Variants in LMNB1 observed in about 807,000 individuals in gnomAD.
LMNB1 encodes the protein lamin B1, also known as lamin-B1.
Under a neutral mutation model 67.1 loss-of-function variants are expected in LMNB1, and 23 were observed. The ratio of observed to expected loss-of-function variants is 0.34; its 90% confidence interval spans 0.25 to 0.49. The LOEUF (loss-of-function observed/expected upper bound fraction) is 0.49, where lower values mean the gene tolerates loss of function less well. Among genes scored for constraint, LMNB1 ranks in the 20% least tolerant of loss-of-function variants. The probability of loss-of-function intolerance (pLI) is 0.99; values close to 1 mark genes in which losing one functional copy is unlikely to be tolerated. For missense variants in LMNB1, 634 were observed against 746.5 expected (o/e 0.85, Z 1.76); for synonymous variants, 281 against 282.9 (o/e 0.99, Z 0.07).
chr5:126,825,581 C>T (rs1361247645), intron 8 of LMNB1, among the ~76,000 whole-genome samples: 5 of 152,134 alleles, frequency 3.3e-5, no homozygotes, highest in African/African-American at 1.2e-4. Context: ...AGTAATAGAA[C>T]GCTGAGGCTA....
intron 4 of LMNB1, among the ~76,000 whole-genome samples, chr5:126,810,762 G>A (rs1751562815): frequency 6.6e-6 from 1 of 152,210 alleles, no homozygotes; most frequent in Non-Finnish European, 1.5e-5. Flanking sequence ...ATTGTGCATA[G>A]ATTGTGACTA....
intron 1 of LMNB1, among the ~76,000 whole-genome samples, chr5:126,796,786 C>CTTTTTTTTTTTT (rs34534973): frequency 1.5e-4 from 18 of 118,730 alleles, no homozygotes; most frequent in African/African-American, 3.1e-4. Context: ...TTTTTTCTTT[C>CTTTTTTTTTTTT]TTTTTTTTTT....
chr5:126,809,603 C>G (rs1211380378), intron 3 of LMNB1, among the ~76,000 whole-genome samples: 1 of 152,158 alleles, frequency 6.6e-6, no homozygotes, highest in African/African-American at 2.4e-5. Flanking sequence ...AGGAGAATTG[C>G]TTGAACCCGG....
In LMNB1 at chr5:126,829,838, C is replaced by T. The variant is rs187167647; in HGVS notation, c.1612-2856C>T. Among the ~76,000 whole-genome samples, 5 of 152,110 alleles carry T rather than the reference C, an allele frequency of 3.3e-5. No individual in the cohort carries two copies. The East Asian group carries it at 7.8e-4, about 24-fold the overall frequency. Reference sequence around the variant, plus strand: ...ATTGCACTGGGCTCCTTGTGACACACGTGTGCTCCATGGGGGGTGTGTACC... The same window carrying T: ...ATTGCACTGGGCTCCTTGTGACACATGTGTGCTCCATGGGGGGTGTGTACC... On this transcript the variant is annotated intron_variant, in intron 9 of 10. Transcript: ENST00000261366.
At chr5:126,821,951 G>A (rs1428500719) in intron 7 of LMNB1, among the ~76,000 whole-genome samples, 1 of 151,674 alleles carries the variant, frequency 6.6e-6, no homozygotes, top group Non-Finnish European at 1.5e-5. Context: ...GAGTGAAGGA[G>A]CACTAATGAG....
At chr5:126,813,044 TG>T (rs1561748240) in intron 5 of LMNB1, among the ~76,000 whole-genome samples, 1 of 152,214 alleles carries the variant, frequency 6.6e-6, no homozygotes, top group Non-Finnish European at 1.5e-5. Flanking sequence ...TACTCTTGAT[TG>T]GGCTTTTCTT....
At chr5:126,780,608 T>C (rs1458548324) in intron 1 of LMNB1, among the ~76,000 whole-genome samples, 1 of 152,120 alleles carries the variant, frequency 6.6e-6, no homozygotes, top group African/African-American at 2.4e-5. Context: ...GAAGGGTTAG[T>C]GTGATTAAGG....
intron 6 of LMNB1, among the ~76,000 whole-genome samples, chr5:126,819,882 T>G (rs1243242388): frequency 6.6e-6 from 1 of 152,184 alleles, no homozygotes. Context: ...CATTGCCTCA[T>G]GCCTGTAATC....
At chr5:126,794,194 G>T (rs1389807956) in intron 1 of LMNB1, among the ~76,000 whole-genome samples, 1 of 152,040 alleles carries the variant, frequency 6.6e-6, no homozygotes, top group Non-Finnish European at 1.5e-5. Context: ...TATAGTACTG[G>T]GATTACAGGA....
chr5:126,809,867 A>G (rs1751541416), intron 3 of LMNB1, among the ~76,000 whole-genome samples: 1 of 152,222 alleles, frequency 6.6e-6, no homozygotes, highest in Non-Finnish European at 1.5e-5. Flanking sequence ...TACTGTGTAT[A>G]AATCCTTGAT....
At chr5:126,797,069 G>A (rs1203664206) in intron 1 of LMNB1, among the ~76,000 whole-genome samples, 2 of 152,110 alleles carry the variant, frequency 1.3e-5, no homozygotes, top group East Asian at 3.8e-4. Flanking sequence ...GATTACAAGA[G>A]TGAGCCACTG....
intron 1 of LMNB1, among the ~76,000 whole-genome samples, chr5:126,800,982 ATT>A (rs57114367): frequency 1.1e-4 from 2 of 18,632 alleles, no homozygotes; most frequent in African/African-American, 1.7e-4. Flanking sequence ...TATATATATA[ATT>A]TTTTTTTTTT....
At chr5:126,776,709 T>C (rs775310595), upstream of LMNB1, 7 of 152,256 alleles carry the variant, frequency 4.6e-5, no homozygotes, top group Non-Finnish European at 8.8e-5. Flanking sequence ...TATATTTGAA[T>C]TTCCCTGAAC....
At chr5:126,805,817 A>G in intron 3 of LMNB1, 121 bp downstream of exon 3, 3 of 777,344 alleles carry the variant, frequency 3.9e-6, no homozygotes, top group South Asian at 2.8e-5. Flanking sequence ...TATCAGATAA[A>G]GAAATAATAA....
At chr5:126,808,631 C>T (rs1285281425) in intron 3 of LMNB1, among the ~76,000 whole-genome samples, 1 of 152,048 alleles carries the variant, frequency 6.6e-6, no homozygotes. Context: ...AGCAGTCACT[C>T]TTCAGTATTT....
chr5:126,789,548 A>T (rs1750899196), intron 1 of LMNB1, among the ~76,000 whole-genome samples: 1 of 152,192 alleles, frequency 6.6e-6, no homozygotes, highest in African/African-American at 2.4e-5. Flanking sequence ...GGCTGGTCCC[A>T]GTCTGACCCT....
At chr5:126,836,014 C>G (rs1019856904) in intron 10 of LMNB1, among the ~76,000 whole-genome samples, 1 of 151,950 alleles carries the variant, frequency 6.6e-6, no homozygotes, top group Non-Finnish European at 1.5e-5. Context: ...CCACTGCACT[C>G]CAGCCTGGGC....
chr5:126,800,891 A>G (rs1294861160), intron 1 of LMNB1, among the ~76,000 whole-genome samples: 1 of 136,516 alleles, frequency 7.3e-6, no homozygotes, highest in Non-Finnish European at 1.5e-5. Flanking sequence ...ACCTCAGGTG[A>G]TCCGCTTGCC....
chr5:126,814,932 T>TG (rs1239703488), intron 5 of LMNB1, among the ~76,000 whole-genome samples: 3 of 152,190 alleles, frequency 2.0e-5, no homozygotes, highest in Non-Finnish European at 4.4e-5. Flanking sequence ...GGCAGTGCAC[T>TG]GGGGGTTTCC....
Sources: allele counts gnomAD v4.1 joint callset (sites outside exome capture counted in the v4.1 genomes callset), GRCh38; gene constraint gnomAD v4.1.1; transcripts MANE v1.5; gene names NCBI Gene and HGNC (gene_info 2026-07-23, HGNC 2026-07-21).